CIITA: variants seen among roughly 807,000 people sequenced by gnomAD.
CIITA encodes the protein MHC class II transactivator.
CIITA carries 72 observed loss-of-function variants against 115.1 expected under a neutral mutation model. The ratio of observed to expected loss-of-function variants is 0.63; its 90% CI spans 0.52 to 0.76. The LOEUF (loss-of-function observed/expected upper bound fraction) is 0.76. Among genes scored for constraint, CIITA ranks in the 30% least tolerant of loss-of-function variants. The probability of loss-of-function intolerance (pLI) is 0.00; values close to 1 mark genes in which losing one functional copy is unlikely to be tolerated. For missense variants in CIITA, 1,617 were observed against 1,463.8 expected (o/e 1.10, Z -1.71); for synonymous variants, 763 against 635.6 (o/e 1.20, Z -3.02).
chr16:10,920,868 A>G lies in CIITA; in HGVS notation c.3150-1299A>G, dbSNP rs1452899416. On this transcript the variant is annotated intron_variant, in intron 16 of 19. Coordinates refer to ENST00000324288, the MANE Select transcript of CIITA (RefSeq NM_000246.4). This position sits in a 1 kb window ranked among gnomAD's most constrained non-coding sequence, Gnocchi z 4.5. ...CTTGGCAGCAGTGTAAACCTGCTGC[A>G]TTTATTTATTTTTTTCTTTTTTTTT... Among the ~76,000 whole-genome samples the G allele has an allele frequency of 6.6e-6, 1 of 151,958 alleles. No individual in the cohort carries two copies. Among genetic ancestry groups the G allele is most frequent in the Admixed American group, 6.6e-5 (1 of 15,254 alleles).
chr16:10,916,073 CT>C (rs1355907860), intron 14 of CIITA, among the ~76,000 whole-genome samples: 3 of 152,236 alleles, frequency 2.0e-5, no homozygotes, highest in Non-Finnish European at 4.4e-5. Context: ...CATAGTCCTA[CT>C]TTACAGTGGA....
rs201080914 is a variant in CIITA at position 10,907,551 on chromosome 16, A to G, written c.2059A>G (p.Thr687Ala). 170 of 1,614,032 alleles carry G rather than the reference A, an allele frequency of 1.1e-4. No homozygotes were observed. Among genetic ancestry groups the G allele is most frequent in the Non-Finnish European group, 1.4e-4 (164 of 1,180,024 alleles). ...EDQFPSADVRTWAMAKGLVQH... is the reference protein window; with the variant it reads ...EDQFPSADVRAWAMAKGLVQH... ...CCAGTTCCCATCCGCAGACGTGAGG[A>G]CCTGGGCGATGGCCAAAGGCTTAGT... Residue 687 changes from threonine to alanine, a missense_variant, in exon 11 of 20, where the codon ACC becomes GCC. Thr to Ala is a moderately conservative substitution (Grantham distance 58). Coordinates refer to ENST00000324288, the MANE Select transcript of CIITA (RefSeq NM_000246.4). This position sits in a 1 kb window ranked among gnomAD's most constrained non-coding sequence, Gnocchi z 5.0.
chr16:10,898,930 A>G lies in CIITA; in HGVS notation c.364A>G (p.Ile122Val), dbSNP rs569955853. Reference protein sequence around the residue: ...EGLSKDIFKHIGPDEVIGESM... With the variant: ...EGLSKDIFKHVGPDEVIGESM... The stretch of plus-strand genomic sequence containing the variant: ...TCTGGTTTTTCTCAAAGTAGAGCAC[A>G]TAGGACCAGATGAAGTGATCGGTGA... Residue 122 changes from isoleucine (I) to valine (V), a missense_variant, in exon 5 of 20, where the codon ATA (isoleucine) becomes GTA (valine). Transcript: ENST00000324288. 2 of 1,613,994 alleles carry G rather than the reference A, an allele frequency of 1.2e-6. No individual in the cohort carries two copies. Among genetic ancestry groups the G allele is most frequent in the East Asian group, 2.2e-5 (1 of 44,814 alleles).
chr16:10,916,510 GCTGA>G, intron 15 of CIITA, 51 bp downstream of exon 15: 2 of 1,502,096 alleles, frequency 1.3e-6, no homozygotes, highest in Non-Finnish European at 1.8e-6. Context: ...CCAAAGTCCG[GCTGA>G]CTTTTTCAAA....
chr16:10,906,393 T>C, intron 10 of CIITA, 106 bp from the exon 11 acceptor site: 1 of 1,316,112 alleles, frequency 7.6e-7, no homozygotes, highest in South Asian at 1.2e-5. Context: ...AAAAAAACTG[T>C]GTGGGGAACA....
rs1049238672 is a variant in CIITA, at chr16:10,934,982, C to A, written c.*11127C>A. ...GGGGGAAGGCTTCCTGGGCTAGAGCCCCTTCAGGGTCTGACACGCCATTGA... is the reference window on the plus strand; with the variant it reads ...GGGGGAAGGCTTCCTGGGCTAGAGCACCTTCAGGGTCTGACACGCCATTGA... On this transcript the variant is annotated 3_prime_UTR_variant, in exon 20 of 20. Coordinates refer to ENST00000324288, the MANE Select transcript of CIITA (RefSeq NM_000246.4). This position sits in a 1 kb window ranked among gnomAD's most constrained non-coding sequence, Gnocchi z 4.2. The A allele has an allele frequency of 2.6e-5, 4 of 152,248 alleles. No individual in the cohort carries two copies. The highest frequency in any genetic ancestry group is 9.7e-5 in the African/African-American group (4 of 41,450). The allele number at this position is 152,248 out of a possible 1,614,324, so 9.4% of individuals were successfully genotyped here.
chr16:10,898,051 C>T (rs1303421224), intron 3 of CIITA, among the ~76,000 whole-genome samples: 2 of 152,204 alleles, frequency 1.3e-5, no homozygotes, highest in African/African-American at 4.8e-5. Context: ...CCTCATCTTT[C>T]AAGGCCTGGT....
upstream of CIITA, among the ~76,000 whole-genome samples, chr16:10,872,488 C>T (rs778761511): frequency 3.3e-5 from 5 of 152,204 alleles, no homozygotes; most frequent in African/African-American, 1.2e-4. Context: ...TGTCTACATA[C>T]TTATACACTT....
At position 10,901,323 on chromosome 16, in the gene CIITA, T is replaced by G. The variant is rs908910066; in HGVS notation, c.437-191T>G. 1.6e-4 allele frequency among the ~76,000 whole-genome samples: 24 copies of G among 152,108 alleles called. No homozygotes were observed. Among genetic ancestry groups the G allele is most frequent in the African/African-American group, 5.6e-4 (23 of 41,420 alleles). On this transcript the variant is annotated intron_variant, in intron 5 of 19. Transcript: ENST00000324288. The surrounding 1 kb of genome is among the most constrained non-coding windows in gnomAD (Gnocchi z 6.8). ...TCTTCTGCTGCTACACTGCCTGGTA[T>G]GGTTTGAGATGGGGTTTGGGTTCAA...
chr16:10,904,062 T>C (rs1214711453), intron 9 of CIITA, among the ~76,000 whole-genome samples, 167 bp downstream of exon 9: 3 of 152,126 alleles, frequency 2.0e-5, no homozygotes, highest in African/African-American at 7.2e-5. Context: ...GGCATGGTTG[T>C]GGGGGAATGG....
chr16:10,893,714 C>G (rs551786835), intron 1 of CIITA, among the ~76,000 whole-genome samples: 1 of 138,494 alleles, frequency 7.2e-6, no homozygotes, highest in South Asian at 2.3e-4. Context: ...GAGGCTGAGG[C>G]AGAAGAATGG....
Position 10,941,529 on chromosome 16 carries a change from G to A in CIITA, n.655G>A, listed in dbSNP as rs1207024802. On this transcript the variant is annotated non_coding_transcript_exon_variant, in exon 2 of 2. Coordinates refer to the CIITA transcript ENST00000573379. The surrounding 1 kb of genome is among the most constrained non-coding windows in gnomAD (Gnocchi z 6.4). ...GAATTCCTCCCTCTCCCTTGCTAGC[G>A]CCCCAACCCGCCCTCATCCTGTTCA... 2.9e-6 allele frequency: 4 copies of A among 1,400,646 alleles called. No homozygotes were observed. The South Asian group carries it at 5.0e-5, about 17-fold the overall frequency. 86.8% of individuals were successfully genotyped at this position (1,400,646 alleles called of 1,614,324 possible).
At position 10,901,911 on chromosome 16, in the gene CIITA, G is replaced by T; in HGVS notation, c.482-127G>T. The T allele has an allele frequency of 1.5e-6, 2 of 1,352,220 alleles. No individual in the cohort carries two copies. Among genetic ancestry groups the T allele is most frequent in the East Asian group, 2.3e-5 (1 of 43,700 alleles). 83.8% of individuals were successfully genotyped at this position (1,352,220 alleles called of 1,614,324 possible). On this transcript the variant is annotated intron_variant, in intron 6 of 19. Transcript: ENST00000324288. The surrounding 1 kb of genome is among the most constrained non-coding windows in gnomAD (Gnocchi z 6.8). ...GCAGTTGCTGATCAACACAGCTGCA[G>T]CCAGGGCTGAGAAGATGACAAGCAT... is the stretch of plus-strand genomic sequence containing the variant.
intron 10 of CIITA, among the ~76,000 whole-genome samples, chr16:10,905,815 A>T (rs1351707593): frequency 6.6e-6 from 1 of 151,476 alleles, no homozygotes; most frequent in Non-Finnish European, 1.5e-5. Context: ...AACAAGAGAG[A>T]CGATGAGTGA....
rs2040392387 is a variant in CIITA, at chr16:10,923,590, T to C, written c.*22+265T>C. Among the ~76,000 whole-genome samples the C allele has an allele frequency of 6.6e-6, 1 of 152,134 alleles. No homozygotes were observed. Among genetic ancestry groups the C allele is most frequent in the African/African-American group, 2.4e-5 (1 of 41,430 alleles). ...ATCCACATCCCACAGCCTCAGTGCT[T>C]GGAAGAGCTTCCTTTGGGGACTCCA... On this transcript the variant is annotated intron_variant, in intron 19 of 19. Transcript: ENST00000324288. The surrounding 1 kb of genome is among the most constrained non-coding windows in gnomAD (Gnocchi z 5.2).
chr16:10,909,866 C>A (rs150149147), intron 12 of CIITA, among the ~76,000 whole-genome samples: 4 of 152,252 alleles, frequency 2.6e-5, no homozygotes, highest in African/African-American at 9.6e-5. Context: ...TCCCAAGTAG[C>A]TGGGATTATA....
chr16:10,866,389 G>C (rs1283262419), intron 1 of CIITA: 1 of 566,726 alleles, frequency 1.8e-6, no homozygotes, highest in Non-Finnish European at 3.5e-6. Context: ...GCTGAAGGAG[G>C]ACCTCCTCTC....
chr16:10,890,585 C>A (rs1357443909), intron 1 of CIITA, among the ~76,000 whole-genome samples: 1 of 152,204 alleles, frequency 6.6e-6, no homozygotes, highest in Non-Finnish European at 1.5e-5. Context: ...CCACCATGCC[C>A]GGCCTATGGG....
chr16:10,901,544 A>C lies in CIITA; in HGVS notation c.467A>C (p.Lys156Thr). The C allele has an allele frequency of 4.3e-6, 7 of 1,613,986 alleles. No homozygotes were observed. The highest frequency in any genetic ancestry group is 1.1e-5 in the South Asian group (1 of 91,064). ...CCAGAGGAGCTTCCGGCAGACCTGA[A>C]GCACTGGAAGCCAGGTGTGCAGGGC... is the stretch of plus-strand genomic sequence containing the variant. The part of the protein sequence containing the change: ...PFPEELPADL[K>T]HWKPAEPPTV... Residue 156 changes from lysine to threonine, a missense_variant, in exon 6 of 20, where the codon AAG (lysine) becomes ACG (threonine). Physicochemically the swap from Lys to Thr is moderately conservative, Grantham distance 78. Coordinates refer to ENST00000324288, the MANE Select transcript of CIITA (RefSeq NM_000246.4). This position sits in a 1 kb window ranked among gnomAD's most constrained non-coding sequence, Gnocchi z 6.8.
Sources: allele counts gnomAD v4.1 joint callset (sites outside exome capture counted in the v4.1 genomes callset), GRCh38; gene constraint gnomAD v4.1.1; non-coding constraint Gnocchi (gnomAD v3.1); transcripts MANE v1.5; gene names NCBI Gene and HGNC (gene_info 2026-07-23, HGNC 2026-07-21).